The following PRKCQ variants were observed in gnomAD, a reference collection of about 807,000 sequenced individuals.
The protein encoded by PRKCQ is protein kinase C theta.
PRKCQ carries 41 observed loss-of-function variants against 91.2 expected under a neutral mutation model. The ratio of observed to expected loss-of-function variants is 0.45; its 90% CI spans 0.35 to 0.58. The LOEUF (loss-of-function observed/expected upper bound fraction) is 0.58, where lower values mean the gene tolerates loss of function less well. PRKCQ is among the 20% of genes least tolerant of loss of function. The pLI is 0.00. For missense variants in PRKCQ, 673 were observed against 896.5 expected (o/e 0.75, Z 3.18); for synonymous variants, 307 against 316.9 (o/e 0.97, Z 0.33).
At chr10:6,434,030 T>G (rs1175481610) in intron 16 of PRKCQ, among the ~76,000 whole-genome samples, 1 of 115,662 alleles carries the variant, frequency 8.6e-6, no homozygotes, top group African/African-American at 3.5e-5. Flanking sequence ...CAAGACTCCT[T>G]AAAAAAAAAA....
At chr10:6,538,821 G>A (rs1408269360) in intron 1 of PRKCQ, among the ~76,000 whole-genome samples, 1 of 151,926 alleles carries the variant, frequency 6.6e-6, no homozygotes, top group Non-Finnish European at 1.5e-5. Context: ...ATGGAGTCTC[G>A]CTCTGTCACC....
At chr10:6,477,644 G>T (rs967897543) in intron 12 of PRKCQ, among the ~76,000 whole-genome samples, 3 of 152,184 alleles carry the variant, frequency 2.0e-5, no homozygotes, top group African/African-American at 7.2e-5. Flanking sequence ...GAGGGGGGTG[G>T]ATCACCTGAG....
intron 1 of PRKCQ, among the ~76,000 whole-genome samples, chr10:6,563,858 A>C: frequency 6.6e-6 from 1 of 152,110 alleles, no homozygotes; most frequent in Non-Finnish European, 1.5e-5. Context: ...TTGGGGAGGG[A>C]GGAAGGGTGT....
chr10:6,544,595 G>A (rs1035825886), intron 1 of PRKCQ, among the ~76,000 whole-genome samples: 7 of 151,252 alleles, frequency 4.6e-5, no homozygotes, highest in Non-Finnish European at 7.4e-5. Flanking sequence ...CTCCTCTCTC[G>A]CCTAAGCAGT....
intron 8 of PRKCQ, among the ~76,000 whole-genome samples, chr10:6,490,912 G>T (rs1837261770): frequency 1.3e-5 from 2 of 150,914 alleles, no homozygotes; most frequent in East Asian, 1.9e-4. Context: ...TTCTTCCCTA[G>T]TCCTTAATCC....
chr10:6,577,552 TAC>T (rs146275272), intron 1 of PRKCQ, among the ~76,000 whole-genome samples: 4 of 151,796 alleles, frequency 2.6e-5, no homozygotes, highest in African/African-American at 7.2e-5. Flanking sequence ...CACACACACA[TAC>T]ACACACACAC....
At chr10:6,498,664 A>G in intron 4 of PRKCQ, 106 bp from the exon 5 acceptor site, 1 of 1,051,598 alleles carries the variant, frequency 9.5e-7, no homozygotes, top group Non-Finnish European at 1.4e-6. Flanking sequence ...GAGGAGGACC[A>G]GCTCTGAGTA....
At chr10:6,460,825 ACCAT>A (rs1270167883) in intron 14 of PRKCQ, among the ~76,000 whole-genome samples, 1 of 146,918 alleles carries the variant, frequency 6.8e-6, no homozygotes, top group African/African-American at 2.5e-5. Flanking sequence ...CCCATCCATC[ACCAT>A]CCATCCATCC....
chr10:6,453,058 C>A (rs960381826), intron 15 of PRKCQ, among the ~76,000 whole-genome samples: 2 of 151,812 alleles, frequency 1.3e-5, no homozygotes, highest in African/African-American at 4.8e-5. Context: ...GCAACAAAAG[C>A]CAAAATTGAC....
intron 9 of PRKCQ, among the ~76,000 whole-genome samples, chr10:6,485,765 T>C (rs1410742872): frequency 6.6e-6 from 1 of 152,238 alleles, no homozygotes; most frequent in Non-Finnish European, 1.5e-5. Context: ...CAATGAATCT[T>C]CAATAACTTT....
chr10:6,431,048 T>C (rs1156376306), intron 16 of PRKCQ, 110 bp from the exon 17 acceptor site: 4 of 1,354,900 alleles, frequency 3.0e-6, no homozygotes, highest in Non-Finnish European at 3.9e-6. Flanking sequence ...ACCTCATTTT[T>C]CTACTCACCT....
At chr10:6,451,065 A>G (rs1834645414) in intron 15 of PRKCQ, among the ~76,000 whole-genome samples, 1 of 151,504 alleles carries the variant, frequency 6.6e-6, no homozygotes, top group South Asian at 2.1e-4. Context: ...AAGGCAAGAA[A>G]TAACTAAAAT....
chr10:6,473,117 C>T (rs1836083136), intron 12 of PRKCQ, among the ~76,000 whole-genome samples: 1 of 152,182 alleles, frequency 6.6e-6, no homozygotes, highest in Non-Finnish European at 1.5e-5. Context: ...CTATAGCACA[C>T]TCTGTAAAAG....
chr10:6,484,765 A>C (rs1407454982), intron 10 of PRKCQ, among the ~76,000 whole-genome samples: 3 of 152,212 alleles, frequency 2.0e-5, no homozygotes, highest in African/African-American at 7.2e-5. Flanking sequence ...AGTGGCTTTG[A>C]GTCCTTCTCT....
intron 1 of PRKCQ, among the ~76,000 whole-genome samples, chr10:6,534,731 G>A (rs891541581): frequency 6.8e-6 from 1 of 147,226 alleles, no homozygotes; most frequent in African/African-American, 2.5e-5. Flanking sequence ...TTGAAACAAA[G>A]ATATTTACAG....
intron 7 of PRKCQ, among the ~76,000 whole-genome samples, chr10:6,492,165 C>G (rs1347558720): frequency 2.0e-5 from 3 of 151,746 alleles, no homozygotes; most frequent in African/African-American, 7.3e-5. Context: ...ATGAAGATTC[C>G]CTTCCTGTTT....
intron 7 of PRKCQ, among the ~76,000 whole-genome samples, chr10:6,493,216 G>A (rs1283515596): frequency 6.6e-6 from 1 of 152,202 alleles, no homozygotes; most frequent in African/African-American, 2.4e-5. Flanking sequence ...TGGTGAGTTA[G>A]AGTTGAGATG....
intron 5 of PRKCQ, among the ~76,000 whole-genome samples, chr10:6,498,099 T>C (rs1168760302): frequency 6.6e-6 from 1 of 152,218 alleles, no homozygotes; most frequent in Non-Finnish European, 1.5e-5. Flanking sequence ...GAAAACTGTT[T>C]GTAATAAAGA....
At position 6,442,090 on chromosome 10, in the gene PRKCQ, C is replaced by A; in HGVS notation, c.1648-9G>T. ...TTCTGACCCAGCAAGATCTGCACAA[C>A]CAAAAGGCAGACAGGAAATTAACAG... On this transcript the variant is annotated splice_polypyrimidine_tract_variant and intron_variant, in intron 15 of 17. Transcript: ENST00000263125. The A allele has an allele frequency of 6.2e-7, 1 of 1,604,822 alleles. No homozygotes were observed. The highest frequency in any genetic ancestry group is 8.5e-7 in the Non-Finnish European group (1 of 1,172,458).
Sources: allele counts gnomAD v4.1 joint callset (sites outside exome capture counted in the v4.1 genomes callset), GRCh38; gene constraint gnomAD v4.1.1; transcripts MANE v1.5; gene names NCBI Gene and HGNC (gene_info 2026-07-23, HGNC 2026-07-21).